The following EPB41L2 variants were observed in gnomAD, a reference collection of about 807,000 sequenced individuals.
The protein encoded by EPB41L2 is band 4.1-like protein 2.
Under a neutral mutation model 113.0 loss-of-function variants are expected in EPB41L2, and 43 were observed. The observed-to-expected ratio is 0.38, with a 90% CI of 0.30 to 0.49. The LOEUF (loss-of-function observed/expected upper bound fraction) is 0.49, where lower values mean the gene tolerates loss of function less well. Ranked by LOEUF, EPB41L2 falls within the 20% of genes least tolerant of loss-of-function variation. EPB41L2 has a pLI of 0.95. For synonymous variants in EPB41L2, 442 were observed against 436.7 expected, an observed-to-expected ratio of 1.01 and a Z score of -0.15; for missense variants, 1,147 against 1,223.4, an observed-to-expected ratio of 0.94 and a Z score of 0.93.
In EPB41L2 at chr6:130,865,437, A is replaced by G. The variant is rs1005248748; in HGVS notation, c.2829+99T>C. The G allele has an allele frequency of 1.8e-5, 22 of 1,196,086 alleles. No homozygotes were observed. The Admixed American group carries it at 2.1e-4, about 11-fold the overall frequency. The allele number at this position is 1,196,086 out of a possible 1,614,324, so 74.1% of individuals were successfully genotyped here. A position where few individuals can be genotyped will look rare whatever the true frequency, so the allele number is the denominator to read the frequency against. On this transcript the variant is annotated intron_variant, in intron 17 of 19. Coordinates refer to ENST00000337057, the MANE Select transcript of EPB41L2 (RefSeq NM_001431.4). ...TTTTGATTCCGCTGGCACTGTCTGT[A>G]TCTTACTTGGAAGTGTGTACAGGAA...
chr6:130,885,325 G>A, intron 11 of EPB41L2, 57 bp from the exon 12 acceptor site: 1 of 1,574,614 alleles, frequency 6.4e-7, no homozygotes, highest in African/African-American at 1.3e-5. Flanking sequence ...TAAACTTTAT[G>A]GAAAATTTCC....
chr6:130,984,551 T>G (rs961459822), intron 1 of EPB41L2, among the ~76,000 whole-genome samples: 1 of 152,228 alleles, frequency 6.6e-6, no homozygotes, highest in Non-Finnish European at 1.5e-5. Flanking sequence ...CCATCCTATA[T>G]GTGGTCTGTT....
chr6:130,942,788 TC>T (rs1811320849), intron 3 of EPB41L2, among the ~76,000 whole-genome samples: 1 of 152,178 alleles, frequency 6.6e-6, no homozygotes, highest in Non-Finnish European at 1.5e-5. Context: ...TGTGTGATGT[TC>T]CCCTCTCTGT....
At chr6:130,918,923 G>GA (rs1801979516) in intron 4 of EPB41L2, among the ~76,000 whole-genome samples, 1 of 152,066 alleles carries the variant, frequency 6.6e-6, no homozygotes, top group Admixed American at 6.6e-5. Context: ...TTATGTGGGG[G>GA]AAAAAATAGG....
At chr6:130,909,947 T>C (rs1798845324) in intron 4 of EPB41L2, among the ~76,000 whole-genome samples, 1 of 152,204 alleles carries the variant, frequency 6.6e-6, no homozygotes, top group South Asian at 2.1e-4. Flanking sequence ...AAAATGATCA[T>C]ACTGCCCAAA....
At chr6:130,898,159 A>C (rs995734524) in intron 8 of EPB41L2, among the ~76,000 whole-genome samples, 2 of 151,948 alleles carry the variant, frequency 1.3e-5, no homozygotes, top group Non-Finnish European at 2.9e-5. Context: ...GCATAAAAAG[A>C]TTTAAGTGAT....
intron 3 of EPB41L2, among the ~76,000 whole-genome samples, chr6:130,950,855 T>C (rs1407135416): frequency 6.6e-6 from 1 of 152,182 alleles, no homozygotes; most frequent in African/African-American, 2.4e-5. Context: ...TAATGTAGAT[T>C]ACAACATTAG....
At chr6:130,885,408 A>G (rs1034971701) in intron 11 of EPB41L2, 140 bp from the exon 12 acceptor site, 6 of 721,276 alleles carry the variant, frequency 8.3e-6, no homozygotes, top group African/African-American at 1.8e-5. Context: ...CTCTGAAAAT[A>G]CCCACCATAT....
intron 1 of EPB41L2, among the ~76,000 whole-genome samples, chr6:130,969,453 G>A (rs898455829): frequency 1.3e-5 from 2 of 152,138 alleles, no homozygotes; most frequent in African/African-American, 4.8e-5. Context: ...CACGCAAGAA[G>A]ATTTTTTCCC....
chr6:130,917,594 C>T (rs1380239393), intron 4 of EPB41L2, among the ~76,000 whole-genome samples: 1 of 152,152 alleles, frequency 6.6e-6, no homozygotes, highest in East Asian at 1.9e-4. Context: ...CCACCCTGCT[C>T]CTTGACTATA....
intron 19 of EPB41L2, among the ~76,000 whole-genome samples, chr6:130,857,420 G>T (rs1171543478): frequency 1.3e-5 from 2 of 151,952 alleles, no homozygotes; most frequent in Non-Finnish European, 2.9e-5. Flanking sequence ...TCCTTTCTCT[G>T]CCAAGCACAT....
chr6:130,867,972 ACTCTCTCT>A (rs147376370), intron 15 of EPB41L2: 1,338 of 75,462 alleles, frequency 0.018, 17 homozygotes, highest in African/African-American at 0.04. Context: ...ACACACACAC[ACTCTCTCT>A]CTCTCTCTCT....
At chr6:130,877,803 G>A (rs1368986484) in intron 14 of EPB41L2, among the ~76,000 whole-genome samples, 1 of 149,204 alleles carries the variant, frequency 6.7e-6, no homozygotes, top group Non-Finnish European at 1.5e-5. Context: ...ATTAAATACA[G>A]TATGTTAGTT....
intron 1 of EPB41L2, among the ~76,000 whole-genome samples, chr6:130,981,910 T>G (rs1170638256): frequency 6.6e-6 from 1 of 152,160 alleles, no homozygotes; most frequent in East Asian, 1.9e-4. Context: ...AAGATATACA[T>G]TTTTAAAATT....
At chr6:130,899,338 A>ATAAT (rs113601700) in intron 8 of EPB41L2, among the ~76,000 whole-genome samples, 153 bp downstream of exon 8, 3,943 of 152,280 alleles carry the variant, frequency 0.026, 200 homozygotes, top group African/African-American at 0.09. Context: ...CAAACACCCC[A>ATAAT]TAATTAGTCA....
At chr6:130,981,886 T>C (rs1043346017) in intron 1 of EPB41L2, among the ~76,000 whole-genome samples, 2 of 152,072 alleles carry the variant, frequency 1.3e-5, no homozygotes, top group Admixed American at 6.5e-5. Flanking sequence ...ACCAAAATTA[T>C]GCTAAAATAT....
At chr6:130,913,463 T>G (rs560629901) in intron 4 of EPB41L2, among the ~76,000 whole-genome samples, 1 of 152,278 alleles carries the variant, frequency 6.6e-6, no homozygotes, top group Admixed American at 6.5e-5. Context: ...ACTACAACTT[T>G]GCAAGGGCTG....
At chr6:130,893,480 G>T (rs1562413844) in intron 10 of EPB41L2, among the ~76,000 whole-genome samples, 1 of 152,202 alleles carries the variant, frequency 6.6e-6, no homozygotes, top group Non-Finnish European at 1.5e-5. Flanking sequence ...GGAAGCAGGG[G>T]TGCCTAGGGA....
Position 130,887,109 on chromosome 6 carries a change from AATG to A in EPB41L2, c.1661-1844_1661-1842del, listed in dbSNP as rs527840516. On this transcript the variant is annotated intron_variant, in intron 11 of 19. Transcript: ENST00000337057. ...CTGACCTAGAAATGGCTTCAAATGTAATGATATTAAAATTTGAATATCAAATTA... is the reference window on the plus strand; with the variant it reads ...CTGACCTAGAAATGGCTTCAAATGTAATATTAAAATTTGAATATCAAATTA... Among the ~76,000 whole-genome samples the A allele has an allele frequency of 1.6e-3, 247 of 152,340 alleles. 1 individual carries two copies. Among genetic ancestry groups the A allele is most frequent in the African/African-American group, 5.7e-3 (237 of 41,578 alleles).
Sources: gnomAD v4.1 joint callset for allele counts (sites outside exome capture counted in the v4.1 genomes callset) on GRCh38, gnomAD v4.1.1 for gene constraint, MANE v1.5 for transcripts, NCBI Gene and HGNC (gene_info 2026-07-23, HGNC 2026-07-21) for gene names.